Variants in SEC14L5 observed in about 807,000 individuals in gnomAD.
SEC14L5 encodes the protein SEC14-like protein 5.
SEC14L5 carries 96 observed loss-of-function variants against 84.6 expected under a neutral mutation model. The ratio of observed to expected loss-of-function variants is 1.13; its 90% CI spans 0.96 to 1.34. The LOEUF (loss-of-function observed/expected upper bound fraction) is 1.34. SEC14L5 is among the 40% of genes most tolerant of loss of function. SEC14L5 has a pLI of 0.00. For synonymous variants in SEC14L5, 546 were observed against 383.4 expected (o/e 1.42, Z -4.95); for missense variants, 1,224 against 942.5 (o/e 1.30, Z -3.91).
intron 4 of SEC14L5, among the ~76,000 whole-genome samples, chr16:4,990,515 G>A (rs1270495012): frequency 1.3e-5 from 2 of 152,208 alleles, no homozygotes; most frequent in African/African-American, 4.8e-5. Context: ...ATATTGAAAG[G>A]GCAGGGCTGC....
intron 14 of SEC14L5, 110 bp downstream of exon 14, chr16:5,008,758 C>A (rs1221067013): frequency 1.2e-5 from 11 of 913,934 alleles, no homozygotes; most frequent in Admixed American, 5.1e-5. Context: ...TGGTCCCCAG[C>A]CTCAGGGACC....
chr16:4,973,954 G>A (rs2142485774), intron 2 of SEC14L5, among the ~76,000 whole-genome samples: 1 of 152,158 alleles, frequency 6.6e-6, no homozygotes, highest in East Asian at 1.9e-4. Flanking sequence ...AAAGTGCTGG[G>A]ATTACAGGTG....
At chr16:5,009,941 G>A (rs1033217184) in intron 14 of SEC14L5, among the ~76,000 whole-genome samples, 1 of 152,022 alleles carries the variant, frequency 6.6e-6, no homozygotes, top group African/African-American at 2.4e-5. Flanking sequence ...CTTGAGTGCT[G>A]GGGAGGGGTT....
At chr16:4,974,315 C>A (rs1187874020) in intron 2 of SEC14L5, among the ~76,000 whole-genome samples, 3 of 151,908 alleles carry the variant, frequency 2.0e-5, no homozygotes, top group African/African-American at 7.3e-5. Context: ...CATCCTCCCG[C>A]CCCAGCCTCC....
Position 5,006,034 on chromosome 16 carries a change from G to C in SEC14L5, c.1423G>C (p.Gly475Arg). ...TAGAGAAGTGATCCCTGACTTCCTT[G>C]GGGGAGAGAGTGTGGTGAGGCTTCC... The part of the protein sequence containing the change: ...LDREVIPDFL[G>R]GESVCNVPEG... Residue 475 changes from glycine to arginine, a missense_variant, in exon 12 of 16, where the codon GGG becomes CGG. By Grantham distance (125) the Gly-to-Arg change is moderately radical. Transcript: ENST00000251170. 3.7e-6 allele frequency: 6 copies of C among 1,613,728 alleles called. No individual in the cohort carries two copies. The highest frequency in any genetic ancestry group is 4.2e-6 in the Non-Finnish European group (5 of 1,179,732).
Position 4,991,972 on chromosome 16 carries a change from G to T in SEC14L5, c.609G>T (p.Leu203=), listed in dbSNP as rs774044904. Residue 203 remains leucine (L), a synonymous_variant, in exon 6 of 16, where the codon CTG becomes CTT. Coordinates refer to ENST00000251170, the MANE Select transcript of SEC14L5 (RefSeq NM_014692.2). ...NQAGPRDPSS[L]EAHGPRSTLG... ...CTGGACCGAGGGACCCCAGCTCCCT[G>T]GAGGCCCACGGGCCCCGTAGCACCC... The T allele has an allele frequency of 1.3e-6, 2 of 1,590,038 alleles. No individual in the cohort carries two copies. The highest frequency in any genetic ancestry group is 4.5e-5 in the East Asian group (2 of 44,074).
At chr16:4,964,887 C>T (rs1041394294) in intron 2 of SEC14L5, among the ~76,000 whole-genome samples, 13 of 152,056 alleles carry the variant, frequency 8.5e-5, no homozygotes, top group African/African-American at 1.2e-4. Context: ...GGCACCACCA[C>T]GCCCGGCTAA....
At chr16:4,975,944 C>G (rs1473983786) in intron 2 of SEC14L5, among the ~76,000 whole-genome samples, 5 of 152,130 alleles carry the variant, frequency 3.3e-5, no homozygotes, top group African/African-American at 1.2e-4. Flanking sequence ...TTTCTGCATT[C>G]TTACTGGACG....
At chr16:4,997,456 C>G (rs781190871) in intron 8 of SEC14L5, among the ~76,000 whole-genome samples, 8 of 152,178 alleles carry the variant, frequency 5.3e-5, no homozygotes, top group South Asian at 2.1e-4. Flanking sequence ...TTCCTTTTGA[C>G]TCTTCCAGGC....
At chr16:4,965,003 T>A (rs760179586) in intron 2 of SEC14L5, among the ~76,000 whole-genome samples, 46 of 152,298 alleles carry the variant, frequency 3.0e-4, no homozygotes, top group Middle Eastern at 6.8e-3. Flanking sequence ...AGTGCTAGGA[T>A]TACAGGTGTG....
At position 4,988,717 on chromosome 16, in the gene SEC14L5, C is replaced by T. The variant is rs79044910; in HGVS notation, c.345+437C>T. 2.0e-3 allele frequency among the ~76,000 whole-genome samples: 305 copies of T among 152,310 alleles called. 1 individual carries two copies. The highest frequency in any genetic ancestry group is 3.4e-3 in the Middle Eastern group (1 of 294). On this transcript the variant is annotated intron_variant, in intron 4 of 15. Coordinates refer to ENST00000251170, the MANE Select transcript of SEC14L5 (RefSeq NM_014692.2). Reference sequence around the variant, plus strand: ...GTATGTGGCGCCTTTAGACCAGTGCCTGGCACATATTAAGTTCTACGTAAA... The same window carrying T: ...GTATGTGGCGCCTTTAGACCAGTGCTTGGCACATATTAAGTTCTACGTAAA...
chr16:5,013,136 A>G (rs1469871294), intron 15 of SEC14L5, among the ~76,000 whole-genome samples: 3 of 152,050 alleles, frequency 2.0e-5, no homozygotes, highest in Non-Finnish European at 4.4e-5. Flanking sequence ...CCATGATCCA[A>G]TCACCTCCCA....
intron 2 of SEC14L5, among the ~76,000 whole-genome samples, chr16:4,969,973 ATG>A (rs1955255183): frequency 3.3e-5 from 5 of 151,888 alleles, no homozygotes; most frequent in Non-Finnish European, 7.4e-5. Flanking sequence ...ACACACAACC[ATG>A]CTAGGCTAAT....
Position 5,005,931 on chromosome 16 carries a change from T to C in SEC14L5, c.1320T>C (p.Asn440=), listed in dbSNP as rs1955726534. ...GGTTTCAGATCAGCCCCTTCATCAA[T>C]GAGAACACCAGGCGGAAGTTCCTCA... is the stretch of plus-strand genomic sequence containing the variant. ...VLWTLISPFI[N]ENTRRKFLIY... The change falls in exon 12 of 16, where the codon AAT becomes AAC. Residue 440 remains asparagine (N), a synonymous_variant. Coordinates refer to ENST00000251170, the MANE Select transcript of SEC14L5 (RefSeq NM_014692.2). 3.8e-6 allele frequency: 6 copies of C among 1,597,362 alleles called. No individual in the cohort carries two copies. Among genetic ancestry groups the C allele is most frequent in the African/African-American group, 2.7e-5 (2 of 74,168 alleles).
In SEC14L5 at chr16:5,018,310, A is replaced by G. The variant is rs1436362682; in HGVS notation, c.*3340A>G. ...CCCTGTTTTTCGTTATTGCACCCAGAGAAAAGTAGGTGTCAAGAATTATTG... is the reference window on the plus strand; with the variant it reads ...CCCTGTTTTTCGTTATTGCACCCAGGGAAAAGTAGGTGTCAAGAATTATTG... On this transcript the variant is annotated 3_prime_UTR_variant, in exon 16 of 16. Coordinates refer to ENST00000251170, the MANE Select transcript of SEC14L5 (RefSeq NM_014692.2). The G allele has an allele frequency of 5.3e-5, 8 of 152,232 alleles. No individual in the cohort carries two copies. 9.4% of individuals were successfully genotyped at this position (152,232 alleles called of 1,614,324 possible).
rs1568104233 is a variant in SEC14L5, at chr16:4,967,561, C to CATTTTTTTTTTTTTTTTTTTTTTTTTT, written c.63+8175_63+8176insATTTTTTTTTTTTTTTTTTTTTTTTTT. On this transcript the variant is annotated intron_variant, in intron 2 of 15. Transcript: ENST00000251170. The stretch of plus-strand genomic sequence containing the variant: ...TTCTGGCTCTGACTTTTCTTTCTTT[C>CATTTTTTTTTTTTTTTTTTTTTTTTTT]GTTTTTTTTTTTTTTTTTTTTTTTT... Among the ~76,000 whole-genome samples, 2 of 86,272 alleles carry CATTTTTTTTTTTTTTTTTTTTTTTTTT rather than the reference C, an allele frequency of 2.3e-5. 1 individual carries two copies. The allele number at this position is 86,272 out of a possible 152,430, so 56.6% of individuals were successfully genotyped here.
Position 5,015,252 on chromosome 16 carries a change from T to C in SEC14L5, c.*282T>C. The C allele has an allele frequency of 2.5e-6, 1 of 399,048 alleles. No homozygotes were observed. 24.7% of individuals were successfully genotyped at this position (399,048 alleles called of 1,614,324 possible). ...TCTACCATACCACACCTTTGGGACA[T>C]CCGGGCTTAGCGACGTCAGCCAGGC... On this transcript the variant is annotated 3_prime_UTR_variant, in exon 16 of 16. Coordinates refer to ENST00000251170, the MANE Select transcript of SEC14L5 (RefSeq NM_014692.2).
rs764657044 is a variant in SEC14L5 at position 5,011,150 on chromosome 16, G to GC, written c.1863dup (p.Ser622GlnfsTer31). The GC allele has an allele frequency of 7.9e-5, 128 of 1,612,026 alleles. No homozygotes were observed. The highest frequency in any genetic ancestry group is 9.0e-5 in the Non-Finnish European group (106 of 1,179,256). On this transcript the variant is annotated frameshift_variant, in exon 15 of 16. Coordinates refer to ENST00000251170, the MANE Select transcript of SEC14L5 (RefSeq NM_014692.2). LOFTEE classifies it high-confidence loss of function. The stretch of plus-strand genomic sequence containing the variant: ...TACCTGCTCCAGTGGCAAATGCACA[G>GC]CCCCCCCAGCAGCGTGGCCTGCAGC...
intron 13 of SEC14L5, 42 bp downstream of exon 13, chr16:5,007,528 T>A (rs1352138608): frequency 1.3e-6 from 2 of 1,598,188 alleles, no homozygotes; most frequent in African/African-American, 1.3e-5. Context: ...AGCTGGAGTG[T>A]CTGTCGTCTT....
Sources: gnomAD v4.1 joint callset for allele counts (sites outside exome capture counted in the v4.1 genomes callset) on GRCh38, gnomAD v4.1.1 for gene constraint, MANE v1.5 for transcripts, NCBI Gene and HGNC (gene_info 2026-07-23, HGNC 2026-07-21) for gene names.